The following EPS8 variants were observed in gnomAD, a reference collection of about 807,000 sequenced individuals.
EPS8 encodes EGFR pathway substrate 8, signaling adaptor.
EPS8 carries 42 observed loss-of-function variants against 103.8 expected under a neutral mutation model. That is an observed-to-expected ratio of 0.40 (90% confidence interval 0.32 to 0.52). EPS8 has a LOEUF of 0.52. Ranked by LOEUF, EPS8 falls within the 20% of genes least tolerant of loss-of-function variation. The probability of loss-of-function intolerance (pLI) is 0.40; values close to 1 mark genes in which losing one functional copy is unlikely to be tolerated. For missense variants in EPS8, 969 were observed against 1,005.1 expected (o/e 0.96, Z 0.49); for synonymous variants, 344 against 344.6 (o/e 1.00, Z 0.02).
intron 9 of EPS8, among the ~76,000 whole-genome samples, chr12:15,661,514 A>G (rs1434035362): frequency 6.6e-6 from 1 of 152,194 alleles, no homozygotes; most frequent in Non-Finnish European, 1.5e-5. Flanking sequence ...TGAAAATGCT[A>G]TAATAAAGCA....
rs774289078 is a variant in EPS8 at position 15,654,299 on chromosome 12, A to G, written c.1102-6T>C. On this transcript the variant is annotated splice_region_variant and splice_polypyrimidine_tract_variant and intron_variant, in intron 12 of 20. Coordinates refer to ENST00000281172, the MANE Select transcript of EPS8 (RefSeq NM_004447.6). ...CCTCCTGTTGCCTGCACCACCTAAG[A>G]TAATAAACCATTTTTTAGCAAGAAG... The G allele has an allele frequency of 1.2e-6, 2 of 1,611,094 alleles. No homozygotes were observed. Among genetic ancestry groups the G allele is most frequent in the East Asian group, 2.2e-5 (1 of 44,868 alleles).
In EPS8 at chr12:15,747,531, C is replaced by A. The variant is rs1591916623; in HGVS notation, c.-22+41630G>T. ...CTGATAGAGAACCCCCAGTTACCATCTACAACACTGCATTAGTAAGAAAGT... is the reference window on the plus strand; with the variant it reads ...CTGATAGAGAACCCCCAGTTACCATATACAACACTGCATTAGTAAGAAAGT... On this transcript the variant is annotated intron_variant, in intron 1 of 20. Coordinates refer to ENST00000281172, the MANE Select transcript of EPS8 (RefSeq NM_004447.6). This position sits in a 1 kb window ranked among gnomAD's most constrained non-coding sequence, Gnocchi z 4.4. Among the ~76,000 whole-genome samples, 2 of 152,280 alleles carry A rather than the reference C, an allele frequency of 1.3e-5. No homozygotes were observed. Among genetic ancestry groups the A allele is most frequent in the Middle Eastern group, 6.8e-3 (2 of 294 alleles).
intron 8 of EPS8, among the ~76,000 whole-genome samples, chr12:15,663,939 A>AT (rs61385343): frequency 0.59 from 37,249 of 62,866 alleles, 10,466 homozygotes; most frequent in Non-Finnish European, 0.66. Flanking sequence ...AAAAAAAAAA[A>AT]AAAAAAATAA....
At chr12:15,644,697 CAA>C (rs10559403) in intron 15 of EPS8, among the ~76,000 whole-genome samples, 2,498 of 122,122 alleles carry the variant, frequency 0.02, 75 homozygotes, top group African/African-American at 0.069. Context: ...GACTCTGTCT[CAA>C]AAAAAAAAAA....
chr12:15,788,829 G>A (rs1337782098), intron 1 of EPS8, among the ~76,000 whole-genome samples: 1 of 152,114 alleles, frequency 6.6e-6, no homozygotes. Flanking sequence ...GTCGCCCCAC[G>A]GACCAGATGA....
chr12:15,765,440 T>C (rs1438951971), intron 1 of EPS8, among the ~76,000 whole-genome samples: 1 of 151,768 alleles, frequency 6.6e-6, no homozygotes, highest in African/African-American at 2.4e-5. Flanking sequence ...GTTTGAAAAA[T>C]AGTCCCTTGC....
At chr12:15,683,946 C>T (rs1232742352) in intron 1 of EPS8, 3 of 152,094 alleles carry the variant, frequency 2.0e-5, no homozygotes, top group African/African-American at 7.2e-5. Context: ...GCTTTATGGG[C>T]CAAGGGGGTG....
intron 2 of EPS8, among the ~76,000 whole-genome samples, chr12:15,682,446 AT>A (rs1303067982): frequency 6.6e-6 from 1 of 152,188 alleles, no homozygotes; most frequent in Non-Finnish European, 1.5e-5. Flanking sequence ...CACTGGAAAT[AT>A]TTTGTTAGTT....
chr12:15,663,950 T>TAATAATA (rs375723916), intron 8 of EPS8, among the ~76,000 whole-genome samples: 31,752 of 59,302 alleles, frequency 0.54, 7,930 homozygotes, highest in Non-Finnish European at 0.61. Flanking sequence ...AAAAAAATAA[T>TAATAATA]ATATATATAT....
At chr12:15,670,240 ATTG>A (rs1472599228) in intron 4 of EPS8, among the ~76,000 whole-genome samples, 1 of 152,322 alleles carries the variant, frequency 6.6e-6, no homozygotes, top group Non-Finnish European at 1.5e-5. Context: ...ATGGACACTG[ATTG>A]TAGCAACAGC....
intron 3 of EPS8, among the ~76,000 whole-genome samples, chr12:15,680,742 G>T (rs754559227): frequency 1.3e-5 from 2 of 152,086 alleles, no homozygotes; most frequent in Non-Finnish European, 2.9e-5. Flanking sequence ...ATGTATATGT[G>T]AGACAATCCA....
At chr12:15,653,981 T>C (rs1428041467) in intron 13 of EPS8, among the ~76,000 whole-genome samples, 164 bp downstream of exon 13, 4 of 152,218 alleles carry the variant, frequency 2.6e-5, no homozygotes, top group African/African-American at 9.6e-5. Context: ...TTATATTACA[T>C]ACACTTCTAT....
rs577279364 is a variant in EPS8, at chr12:15,703,786, T to C, written c.-21-20814A>G. 2.4e-3 allele frequency among the ~76,000 whole-genome samples: 361 copies of C among 150,664 alleles called. 3 individuals are homozygous for C. The highest frequency in any genetic ancestry group is 8.5e-3 in the African/African-American group (348 of 40,908). ...AAGCAAAGTTGATTATTTGAGATAA[T>C]TGTATCTGTCTCTTTCATTTCTATA... On this transcript the variant is annotated intron_variant, in intron 1 of 20. Transcript: ENST00000281172.
At chr12:15,650,776 C>T (rs762506736) in intron 14 of EPS8, 47 bp downstream of exon 14, 17 of 1,432,432 alleles carry the variant, frequency 1.2e-5, no homozygotes, top group Non-Finnish European at 1.6e-5. Context: ...AGAGAATACA[C>T]AGATAATTAC....
At position 15,717,188 on chromosome 12, in the gene EPS8, A is replaced by G. The variant is rs1018174353; in HGVS notation, c.-21-34216T>C. On this transcript the variant is annotated intron_variant, in intron 1 of 20. Coordinates refer to ENST00000281172, the MANE Select transcript of EPS8 (RefSeq NM_004447.6). This position sits in a 1 kb window ranked among gnomAD's most constrained non-coding sequence, Gnocchi z 4.3. Reference sequence around the variant, plus strand: ...ACAATTATAGTCATGCAAAAGGACAAACATGCCTGGCATGTAAATGATGGG... The same window carrying G: ...ACAATTATAGTCATGCAAAAGGACAGACATGCCTGGCATGTAAATGATGGG... Among the ~76,000 whole-genome samples the G allele has an allele frequency of 7.2e-5, 11 of 152,214 alleles. No individual in the cohort carries two copies. The highest frequency in any genetic ancestry group is 2.2e-4 in the African/African-American group (9 of 41,436).
Position 15,733,660 on chromosome 12 carries a change from T to C in EPS8, c.-21-50688A>G, listed in dbSNP as rs990775048. Among the ~76,000 whole-genome samples the C allele has an allele frequency of 2.6e-5, 4 of 151,562 alleles. No homozygotes were observed. Among genetic ancestry groups the C allele is most frequent in the Admixed American group, 2.0e-4 (3 of 15,220 alleles). ...TAACAACAACAGAAATAAAGGCAGG[T>C]AAAAAGAAAAACAAACAAACAGAAA... On this transcript the variant is annotated intron_variant, in intron 1 of 20. Transcript: ENST00000281172. The surrounding 1 kb of genome is among the most constrained non-coding windows in gnomAD (Gnocchi z 4.8).
chr12:15,669,318 A>T, intron 6 of EPS8, 69 bp downstream of exon 6: 1 of 1,417,702 alleles, frequency 7.1e-7, no homozygotes, highest in Non-Finnish European at 9.6e-7. Context: ...TATATTATCA[A>T]AATAGGTAAT....
chr12:15,763,248 T>C (rs966728326), intron 1 of EPS8, among the ~76,000 whole-genome samples: 4 of 152,158 alleles, frequency 2.6e-5, no homozygotes, highest in African/African-American at 7.2e-5. Flanking sequence ...TGTATGCTAA[T>C]GCTTAATAGT....
chr12:15,681,152 C>T (rs1237775110), intron 3 of EPS8, 74 bp downstream of exon 3: 11 of 690,174 alleles, frequency 1.6e-5, no homozygotes, highest in Non-Finnish European at 2.7e-5. Context: ...TGGGTTCAAA[C>T]CATGAGTTTG....
Sources: allele counts gnomAD v4.1 joint callset (sites outside exome capture counted in the v4.1 genomes callset), GRCh38; gene constraint gnomAD v4.1.1; non-coding constraint Gnocchi (gnomAD v3.1); transcripts MANE v1.5; gene names NCBI Gene and HGNC (gene_info 2026-07-23, HGNC 2026-07-21).